The following PPFIA2 variants were observed in gnomAD, a reference collection of about 807,000 sequenced individuals.
PPFIA2 encodes liprin-alpha-2.
Under a neutral mutation model 175.5 loss-of-function variants are expected in PPFIA2, and 46 were observed. The observed-to-expected ratio is 0.26, with a 90% CI of 0.21 to 0.34. The LOEUF is 0.34. Among genes scored for constraint, PPFIA2 ranks in the 10% least tolerant of loss-of-function variants. The pLI, the probability that PPFIA2 is intolerant of heterozygous loss-of-function variation, is 1.00. For synonymous variants in PPFIA2, 568 were observed against 511.4 expected (o/e 1.11, Z -1.49); for missense variants, 1,179 against 1,506.1 (o/e 0.78, Z 3.60).
At chr12:81,708,210 GA>G (rs917604321) in intron 3 of PPFIA2, among the ~76,000 whole-genome samples, 102 of 149,848 alleles carry the variant, frequency 6.8e-4, no homozygotes, top group African/African-American at 2.3e-3. Context: ...TAACAAAATA[GA>G]AAAAAAAAGA....
At chr12:81,614,456 A>G (rs2061244443) in intron 4 of PPFIA2, among the ~76,000 whole-genome samples, 3 of 152,168 alleles carry the variant, frequency 2.0e-5, no homozygotes. Flanking sequence ...TTTAAAACCC[A>G]GTAATTTATA....
intron 4 of PPFIA2, among the ~76,000 whole-genome samples, chr12:81,502,545 G>A (rs2060695106): frequency 6.6e-6 from 1 of 152,060 alleles, no homozygotes; most frequent in South Asian, 2.1e-4. Context: ...TAACTTTAAG[G>A]GAAACATGTA....
chr12:81,442,879 ATATATATATATATATATATAGT>A (rs1235172887), intron 6 of PPFIA2, among the ~76,000 whole-genome samples: 3 of 109,084 alleles, frequency 2.8e-5, no homozygotes, highest in African/African-American at 1.0e-4. Flanking sequence ...ATATATATAT[ATATATATATATATATATATAGT>A]ATTACTTGTT....
chr12:81,340,998 G>A (rs994942620), intron 20 of PPFIA2, 80 bp downstream of exon 20: 5 of 1,393,224 alleles, frequency 3.6e-6, no homozygotes, highest in South Asian at 2.9e-5. Flanking sequence ...TTGTTAAGCA[G>A]TCTATTCGAC....
At chr12:81,538,917 C>T (rs1473410566) in intron 4 of PPFIA2, among the ~76,000 whole-genome samples, 3 of 151,802 alleles carry the variant, frequency 2.0e-5, no homozygotes, top group Non-Finnish European at 2.9e-5. Flanking sequence ...GAGAACAGAC[C>T]ATAGAGCGAC....
intron 4 of PPFIA2, chr12:81,512,265 A>T: frequency 7.9e-7 from 1 of 1,261,814 alleles, no homozygotes; most frequent in South Asian, 1.2e-5. Context: ...TAAACACCTC[A>T]TGCTGACACA....
chr12:81,504,954 T>C (rs989624024), intron 4 of PPFIA2, among the ~76,000 whole-genome samples: 1 of 151,798 alleles, frequency 6.6e-6, no homozygotes, highest in Admixed American at 6.6e-5. Context: ...TGAGAACACA[T>C]GGACACAAGG....
At chr12:81,581,341 T>TAG (rs907775970) in intron 4 of PPFIA2, among the ~76,000 whole-genome samples, 11 of 151,630 alleles carry the variant, frequency 7.3e-5, no homozygotes, top group African/African-American at 2.7e-4. Flanking sequence ...CTGCCTTGAG[T>TAG]AGAGGGCTGT....
intron 4 of PPFIA2, among the ~76,000 whole-genome samples, chr12:81,591,960 G>A (rs182354043): frequency 6.6e-6 from 1 of 152,252 alleles, no homozygotes; most frequent in Admixed American, 6.5e-5. Context: ...AAAAGCCACA[G>A]GCACTCAACA....
chr12:81,490,296 A>G (rs1032213491), intron 4 of PPFIA2, among the ~76,000 whole-genome samples: 5 of 151,884 alleles, frequency 3.3e-5, no homozygotes, highest in African/African-American at 4.8e-5. Flanking sequence ...AACGCAACCC[A>G]CTGAAAATAG....
At chr12:81,400,245 G>C (rs531770923) in intron 8 of PPFIA2, among the ~76,000 whole-genome samples, 1 of 152,152 alleles carries the variant, frequency 6.6e-6, no homozygotes, top group Admixed American at 6.6e-5. Flanking sequence ...GAAATACTTT[G>C]TCTCCACTGA....
intron 7 of PPFIA2, chr12:81,439,745 A>G: frequency 6.2e-6 from 3 of 484,996 alleles, no homozygotes; most frequent in East Asian, 4.1e-5. Flanking sequence ...CCTAGCTCAC[A>G]TGTCACTAGC....
intron 4 of PPFIA2, among the ~76,000 whole-genome samples, chr12:81,618,396 TA>T (rs2061631993): frequency 6.6e-6 from 1 of 152,084 alleles, no homozygotes; most frequent in Admixed American, 6.6e-5. Context: ...TTAATGTAGG[TA>T]ATAGTTAGCT....
At position 81,753,986 on chromosome 12, in the gene PPFIA2, G is replaced by A. The variant is rs1204864624; in HGVS notation, c.236C>T (p.Ser79Leu). The A allele has an allele frequency of 1.7e-5, 28 of 1,613,674 alleles. No individual in the cohort carries two copies. The highest frequency in any genetic ancestry group is 2.3e-5 in the Non-Finnish European group (27 of 1,179,826). Residue 79 changes from serine (S) to leucine (L), a missense_variant, in exon 3 of 33, where the codon TCA (serine) becomes TTA (leucine). Physicochemically the swap from Ser to Leu is moderately radical, Grantham distance 145. This residue lies in a region of PPFIA2 where 128 missense variants were observed against 141.4 expected (regional missense o/e 0.91). Transcript: ENST00000549396. The stretch of plus-strand genomic sequence containing the variant: ...CAGGAAGCATACCTGTGGCAGGGCT[G>A]AATTGAGCTGTCTCTGGAGTGAGTC... ...DRDSLQRQLN[S>L]ALPQDIESLT...
rs532214471 is a variant in PPFIA2, at chr12:81,484,086, C to T, written c.304-26220G>A. Among the ~76,000 whole-genome samples, 5 of 152,016 alleles carry T rather than the reference C, an allele frequency of 3.3e-5. No homozygotes were observed. In the East Asian group the frequency reaches 5.8e-4, roughly 18 times the overall value. ...AAAAAATAATGTGGCATTACCTGGG[C>T]GAAGGTCATTTCCTTATTAATAATT... is the stretch of plus-strand genomic sequence containing the variant. On this transcript the variant is annotated intron_variant, in intron 4 of 32. Transcript: ENST00000549396.
At chr12:81,447,995 T>C (rs2051643315) in intron 5 of PPFIA2, among the ~76,000 whole-genome samples, 1 of 152,110 alleles carries the variant, frequency 6.6e-6, no homozygotes, top group Non-Finnish European at 1.5e-5. Context: ...TACAACACAA[T>C]GAAAACTGTT....
intron 4 of PPFIA2, among the ~76,000 whole-genome samples, chr12:81,559,293 C>T (rs989820786): frequency 1.3e-5 from 2 of 152,124 alleles, no homozygotes; most frequent in African/African-American, 4.8e-5. Context: ...TGCATTTGCA[C>T]GTGTGGATGC....
rs376867920 is a variant in PPFIA2, at chr12:81,268,002, G to A, written c.3396C>T (p.Ser1132=). 3.1e-6 allele frequency: 5 copies of A among 1,596,796 alleles called. No homozygotes were observed. Among genetic ancestry groups the A allele is most frequent in the Non-Finnish European group, 4.3e-6 (5 of 1,170,644 alleles). The part of the protein sequence containing the change: ...LREYANNILE[S]GVHGSLIALD... ...GGGCTATAAGTGAGCCATGCACACC[G>A]CTCTCAAGTATATTATTTGCATATT... The change falls in exon 29 of 33, where the codon AGC becomes AGT. Residue 1132 remains serine (S), a synonymous_variant. Transcript: ENST00000549396.
At chr12:81,702,417 C>G (rs1258671697) in intron 3 of PPFIA2, among the ~76,000 whole-genome samples, 2 of 152,114 alleles carry the variant, frequency 1.3e-5, no homozygotes, top group East Asian at 3.9e-4. Context: ...GCTTTAAATC[C>G]CATCACTCCA....
Sources: allele counts gnomAD v4.1 joint callset (sites outside exome capture counted in the v4.1 genomes callset), GRCh38; gene constraint gnomAD v4.1.1; regional missense constraint gnomAD v4.1.1; transcripts MANE v1.5; gene names NCBI Gene and HGNC (gene_info 2026-07-23, HGNC 2026-07-21).